SPTBN5: variants seen among roughly 807,000 people sequenced by gnomAD.
SPTBN5 encodes spectrin beta chain, non-erythrocytic 5.
A neutral mutation model predicts 477.6 loss-of-function variants in SPTBN5; 513 were observed. That is an observed-to-expected ratio of 1.07 (90% CI 1.00 to 1.16). The LOEUF (loss-of-function observed/expected upper bound fraction) is 1.16. Among genes scored for constraint, SPTBN5 ranks in the 50% most tolerant of loss-of-function variants. The pLI, the probability that SPTBN5 is intolerant of heterozygous loss-of-function variation, is 0.00. For missense variants in SPTBN5, 5,062 were observed against 4,731.8 expected (o/e 1.07, Z -2.05); for synonymous variants, 2,169 against 2,011.7 (o/e 1.08, Z -2.09).
rs1313801338 is a variant in SPTBN5, at chr15:41,876,178, T to C, written c.4058A>G (p.Lys1353Arg). 1.2e-6 allele frequency: 2 copies of C among 1,606,200 alleles called. No homozygotes were observed. The highest frequency in any genetic ancestry group is 2.2e-5 in the South Asian group (2 of 91,078). ...CTCGCTCTCAGCTGCTTCGTGCCGC[T>C]TGAGTGTCTGCAGGATGTTTCTGCG... ...GARRNILQTL[K>R]RHEAAESELL... The change falls in exon 21 of 68, where the codon AAG becomes AGG. Residue 1353 changes from lysine to arginine, a missense_variant. Physicochemically the swap from Lys to Arg is conservative, Grantham distance 26. Transcript: ENST00000320955.
intron 26 of SPTBN5, among the ~76,000 whole-genome samples, chr15:41,873,033 G>A (rs1438625848): frequency 1.3e-5 from 2 of 152,170 alleles, no homozygotes; most frequent in Admixed American, 1.3e-4. Context: ...AGTGAGGAAG[G>A]GGACTTCGAG....
intron 55 of SPTBN5, 61 bp downstream of exon 55, chr15:41,855,163 C>A: frequency 6.5e-7 from 1 of 1,546,358 alleles, no homozygotes; most frequent in Non-Finnish European, 8.8e-7. Context: ...CCTTTCATCC[C>A]AGGGCAGGCC....
intron 17 of SPTBN5, among the ~76,000 whole-genome samples, 163 bp from the exon 18 acceptor site, chr15:41,877,519 G>A (rs962380158): frequency 3.3e-5 from 5 of 152,242 alleles, no homozygotes; most frequent in African/African-American, 1.2e-4. Flanking sequence ...ATCCCCCATC[G>A]GCTCCAGCCG....
chr15:41,862,774 A>G lies in SPTBN5; in HGVS notation c.7263+16T>C, dbSNP rs1200939284. On this transcript the variant is annotated intron_variant, in intron 42 of 67. Coordinates refer to ENST00000320955, the MANE Select transcript of SPTBN5 (RefSeq NM_016642.4). ...CAGGAGATGCCCTGGGCCCAGCTCTACAGCCAGCTACGCACCTCCACCTGG... is the reference window on the plus strand; with the variant it reads ...CAGGAGATGCCCTGGGCCCAGCTCTGCAGCCAGCTACGCACCTCCACCTGG... 3 of 1,556,368 alleles carry G rather than the reference A, an allele frequency of 1.9e-6. No individual in the cohort carries two copies. Among genetic ancestry groups the G allele is most frequent in the East Asian group, 4.8e-5 (2 of 41,544 alleles).
At position 41,853,522 on chromosome 15, in the gene SPTBN5, G is replaced by T. The variant is rs975017419; in HGVS notation, c.9980+60C>A. The T allele has an allele frequency of 2.8e-5, 43 of 1,538,972 alleles. 1 individual carries two copies. The Admixed American group carries it at 7.9e-4, about 28-fold the overall frequency. On this transcript the variant is annotated intron_variant, in intron 58 of 67. Coordinates refer to ENST00000320955, the MANE Select transcript of SPTBN5 (RefSeq NM_016642.4). ...GAGGGAGGGTCCAGCTCCCCCAAGAGCCAGGATACCCCCACCCCACAGGGT... is the reference window on the plus strand; with the variant it reads ...GAGGGAGGGTCCAGCTCCCCCAAGATCCAGGATACCCCCACCCCACAGGGT...
At chr15:41,892,839 C>T in intron 3 of SPTBN5, 55 bp downstream of exon 3, 6 of 1,520,038 alleles carry the variant, frequency 3.9e-6, no homozygotes, top group Non-Finnish European at 4.4e-6. Context: ...AGTAGTTCAG[C>T]CTGTCCCAGC....
chr15:41,856,711 C>A, intron 52 of SPTBN5, 113 bp from the exon 53 acceptor site: 2 of 1,334,918 alleles, frequency 1.5e-6, no homozygotes, highest in Non-Finnish European at 2.0e-6. Flanking sequence ...AGTTCCCTGT[C>A]CCCATGACTC....
intron 6 of SPTBN5, 125 bp from the exon 7 acceptor site, chr15:41,886,491 G>T: frequency 2.7e-6 from 3 of 1,125,060 alleles, no homozygotes; most frequent in Non-Finnish European, 3.7e-6. Flanking sequence ...ATGCTTTGAA[G>T]TGGTGGTACC....
chr15:41,879,768 G>C lies in SPTBN5; in HGVS notation c.2908C>G (p.Gln970Glu). 1 of 1,614,006 alleles carries C rather than the reference G, an allele frequency of 6.2e-7. No homozygotes were observed. Among genetic ancestry groups the C allele is most frequent in the Non-Finnish European group, 8.5e-7 (1 of 1,179,894 alleles). Residue 970 changes from glutamine to glutamate, a missense_variant, in exon 15 of 68, where the codon CAA (glutamine) becomes GAA (glutamate). By Grantham distance (29) the Gln-to-Glu change is conservative. Transcript: ENST00000320955. Reference protein sequence around the residue: ...LRQRYPGNSTQIQRQQEELSQ... With the variant: ...LRQRYPGNSTEIQRQQEELSQ... ...AGTTCCTCCTGCTGTCGTTGGATTT[G>C]TGTGGAGTTCCCAGGATATCTCTGC...
In SPTBN5 at chr15:41,881,201, G is replaced by C. The variant is rs373385363; in HGVS notation, c.2491C>G (p.Leu831Val). 8 of 1,612,084 alleles carry C rather than the reference G, an allele frequency of 5.0e-6. No individual in the cohort carries two copies. The highest frequency in any genetic ancestry group is 6.8e-6 in the Non-Finnish European group (8 of 1,179,666). Residue 831 changes from leucine to valine, a missense_variant, in exon 13 of 68, where the codon CTG becomes GTG. By Grantham distance (32) the Leu-to-Val change is conservative. Transcript: ENST00000320955. The part of the protein sequence containing the change: ...NSALSPPGES[L>V]RNPGPWSEAS... ...TCACTCCAGGGCCCTGGGTTCCTCA[G>C]GCTTTCTCCTGGAGGGCTCAGGGCA...
chr15:41,865,832 G>A lies in SPTBN5; in HGVS notation c.6894C>T (p.Arg2298=), dbSNP rs546749760. The change falls in exon 39 of 68, where the codon CGC becomes CGT. Residue 2298 remains arginine, a synonymous_variant. Transcript: ENST00000320955. ...CCCCGGCCGAGTTTCCTCGGAACTC[G>A]CGGAGCCGCCGTCGGAGCTGCAGGC... ...EHCLQLRRRL[R]EFRGNSAGDT... 3.0e-5 allele frequency: 47 copies of A among 1,570,878 alleles called. No homozygotes were observed. Among genetic ancestry groups the A allele is most frequent in the Middle Eastern group, 1.8e-4 (1 of 5,540 alleles).
chr15:41,850,952 G>C lies in SPTBN5; in HGVS notation c.10836-13C>G. 2 of 1,530,184 alleles carry C rather than the reference G, an allele frequency of 1.3e-6. No individual in the cohort carries two copies. The highest frequency in any genetic ancestry group is 1.2e-5 in the South Asian group (1 of 84,752). The allele number at this position is 1,530,184 out of a possible 1,614,324, so 94.8% of individuals were successfully genotyped here. A position where few individuals can be genotyped will look rare whatever the true frequency, so the allele number is the denominator to read the frequency against. On this transcript the variant is annotated splice_polypyrimidine_tract_variant and intron_variant, in intron 65 of 67. Coordinates refer to ENST00000320955, the MANE Select transcript of SPTBN5 (RefSeq NM_016642.4). ...CCCACTGGTCAGCCTGGCACCCACA[G>C]TCACAGGTCAAACTCCACTGTCCCT... is the stretch of plus-strand genomic sequence containing the variant.
In SPTBN5 at chr15:41,862,810, G is replaced by C. The variant is rs1284804315; in HGVS notation, c.7243C>G (p.Pro2415Ala). The change falls in exon 42 of 68, where the codon CCC becomes GCC. Residue 2415 changes from proline (P) to alanine (A), a missense_variant. Pro to Ala is a conservative substitution (Grantham distance 27). Transcript: ENST00000320955. ...CGCACCTCCACCTGGGCCTGGATGG[G>C]GTGCACTTCCCGCTCCAGCTCCTCG... Reference protein sequence around the residue: ...KHEELEREVHPIQAQVESLER... With the variant: ...KHEELEREVHAIQAQVESLER... 6.3e-7 allele frequency: 1 copy of C among 1,578,778 alleles called. No individual in the cohort carries two copies. Among genetic ancestry groups the C allele is most frequent in the African/African-American group, 1.4e-5 (1 of 74,064 alleles).
chr15:41,866,619 G>T, intron 36 of SPTBN5, 126 bp from the exon 37 acceptor site: 1 of 1,127,956 alleles, frequency 8.9e-7, no homozygotes, highest in Non-Finnish European at 1.2e-6. Context: ...CCTGGTAAAT[G>T]AGCCCTGAAG....
Position 41,855,655 on chromosome 15 carries a change from G to T in SPTBN5, c.9112C>A (p.Leu3038Met). The T allele has an allele frequency of 6.2e-7, 1 of 1,608,072 alleles. No homozygotes were observed. Among genetic ancestry groups the T allele is most frequent in the Middle Eastern group, 1.7e-4 (1 of 6,048 alleles). The change falls in exon 54 of 68, where the codon CTG becomes ATG. Residue 3038 changes from leucine to methionine, a missense_variant. Leu to Met is a conservative substitution (Grantham distance 15). Coordinates refer to ENST00000320955, the MANE Select transcript of SPTBN5 (RefSeq NM_016642.4). ...GHSAEATQAL[L>M]RRLEATKRDL... ...CTCTTGGTGGCCTCCAGCCGCCGCA[G>T]AAGGGCCTGTGTGGCTTCAGCACTG...
Position 41,888,040 on chromosome 15 carries a change from G to A in SPTBN5, c.547C>T (p.Leu183=). ...SAALLSTKEA[L]LVWCQRKTAS... ...GTCTTCCGCTGGCACCAGACCAGCA[G>A]GGCTTCCTTGGTGGACAGCAGGGCT... The change falls in exon 5 of 68, where the codon CTG becomes TTG. Residue 183 remains leucine, a synonymous_variant. Transcript: ENST00000320955. 3.2e-6 allele frequency: 5 copies of A among 1,584,544 alleles called. No individual in the cohort carries two copies. Among genetic ancestry groups the A allele is most frequent in the Non-Finnish European group, 4.3e-6 (5 of 1,165,732 alleles).
intron 47 of SPTBN5, 75 bp from the exon 48 acceptor site, chr15:41,859,055 C>A (rs2066014441): frequency 1.7e-6 from 2 of 1,200,482 alleles, no homozygotes; most frequent in South Asian, 3.3e-5. Flanking sequence ...CCTAGGCTTT[C>A]TCGGGTATGA....
At chr15:41,850,003 T>G (rs370110080) in intron 66 of SPTBN5, 44 bp from the exon 67 acceptor site, 199 of 1,486,494 alleles carry the variant, frequency 1.3e-4, no homozygotes, top group Non-Finnish European at 1.7e-4. Flanking sequence ...GCCCAGACCA[T>G]CTGCAGGCGC....
chr15:41,858,904 G>C lies in SPTBN5; in HGVS notation c.8065C>G (p.Gln2689Glu). 1 of 1,591,482 alleles carries C rather than the reference G, an allele frequency of 6.3e-7. No individual in the cohort carries two copies. The highest frequency in any genetic ancestry group is 8.6e-7 in the Non-Finnish European group (1 of 1,166,626). ...GCGAGGCGAACCTCCTGGGAGTCCTGCAGGAAGGCCTGCAGCTGCCGGAGC... is the reference window on the plus strand; with the variant it reads ...GCGAGGCGAACCTCCTGGGAGTCCTCCAGGAAGGCCTGCAGCTGCCGGAGC... ...EELRQLQAFL[Q>E]DSQEVAAWLR... Residue 2689 changes from glutamine (Q) to glutamate (E), a missense_variant, in exon 48 of 68, where the codon CAG becomes GAG. Transcript: ENST00000320955.
Sources: gnomAD v4.1 joint callset for allele counts (sites outside exome capture counted in the v4.1 genomes callset) on GRCh38, gnomAD v4.1.1 for gene constraint, MANE v1.5 for transcripts, NCBI Gene and HGNC (gene_info 2026-07-23, HGNC 2026-07-21) for gene names.